Variants in PEAR1 observed in about 807,000 individuals in gnomAD.
The protein encoded by PEAR1 is multiple EGF-like domains protein 12.
PEAR1 carries 113 observed loss-of-function variants against 131.2 expected under a neutral mutation model. The observed-to-expected ratio is 0.86, with a 90% CI of 0.74 to 1.01. The LOEUF (loss-of-function observed/expected upper bound fraction) is 1.01. Among genes scored for constraint, PEAR1 ranks in the 50% least tolerant of loss-of-function variants. PEAR1 has a pLI of 0.00. For synonymous variants in PEAR1, 565 were observed against 523.3 expected (o/e 1.08, Z -1.09); for missense variants, 1,408 against 1,391.1 (o/e 1.01, Z -0.19).
In PEAR1 at chr1:156,910,632, C is replaced by T. The variant is rs1650956404; in HGVS notation, c.1840C>T (p.Arg614Cys). 1 of 1,613,950 alleles carries T rather than the reference C, an allele frequency of 6.2e-7. No individual in the cohort carries two copies. Among genetic ancestry groups the T allele is most frequent in the African/African-American group, 1.3e-5 (1 of 74,936 alleles). Residue 614 changes from arginine (R) to cysteine (C), a missense_variant, in exon 15 of 23, where the codon CGC (arginine) becomes TGC (cysteine). Physicochemically the swap from Arg to Cys is radical, Grantham distance 180. Coordinates refer to ENST00000292357, the MANE Select transcript of PEAR1 (RefSeq NM_001080471.3). ...CTTTCCCCCAGCCTGTCAGCCTGGC[C>T]GCTATGGCAAACGCTGTGTGCCCTG... Reference protein sequence around the residue: ...PSCQRSCQPGRYGKRCVPCKC... With the variant: ...PSCQRSCQPGCYGKRCVPCKC...
In PEAR1 at chr1:156,910,258, C is replaced by T. The variant is rs1194647083; in HGVS notation, c.1703C>T (p.Pro568Leu). The part of the protein sequence containing the change: ...WMGARCHLSC[P>L]EGLWGVNCSN... ...GGTGCCCGCTGCCACCTGTCCTGCC[C>T]TGAGGGCTTATGGGGAGTCAACTGT... The change falls in exon 14 of 23, where the codon CCT becomes CTT. Residue 568 changes from proline to leucine, a missense_variant. Coordinates refer to ENST00000292357, the MANE Select transcript of PEAR1 (RefSeq NM_001080471.3). 2 of 1,612,948 alleles carry T rather than the reference C, an allele frequency of 1.2e-6. No homozygotes were observed. Among genetic ancestry groups the T allele is most frequent in the South Asian group, 1.1e-5 (1 of 90,882 alleles).
In PEAR1 at chr1:156,914,735, A is replaced by T; in HGVS notation, c.3051A>T (p.Gly1017=). ...YDSPKNSHIP[G]HYDLPPVRHP... Reference sequence around the variant, plus strand: ...CACCCAAGAACAGCCACATCCCTGGACATTATGACTTGCCTCCAGTACGGC... The same window carrying T: ...CACCCAAGAACAGCCACATCCCTGGTCATTATGACTTGCCTCCAGTACGGC... Residue 1017 remains glycine, a synonymous_variant, in exon 23 of 23, where the codon GGA becomes GGT. Transcript: ENST00000292357. 6.2e-7 allele frequency: 1 copy of T among 1,614,044 alleles called. No homozygotes were observed. The highest frequency in any genetic ancestry group is 2.2e-5 in the East Asian group (1 of 44,876).
Position 156,908,312 on chromosome 1 carries a change from T to C in PEAR1, c.1087T>C (p.Cys363Arg). ...GFYGLSCQAP[C>R]TCDREHSLSC... Reference sequence around the variant, plus strand: ...CTACGGTCTCAGCTGCCAGGCCCCCTGCACCTGCGACCGGGAGCACAGCCT... The same window carrying C: ...CTACGGTCTCAGCTGCCAGGCCCCCCGCACCTGCGACCGGGAGCACAGCCT... The change falls in exon 9 of 23, where the codon TGC (cysteine) becomes CGC (arginine). Residue 363 changes from cysteine to arginine, a missense_variant. Coordinates refer to ENST00000292357, the MANE Select transcript of PEAR1 (RefSeq NM_001080471.3). This position sits in a 1 kb window ranked among gnomAD's most constrained non-coding sequence, Gnocchi z 4.2. The C allele has an allele frequency of 6.4e-7, 1 of 1,556,672 alleles. No homozygotes were observed. The highest frequency in any genetic ancestry group is 1.2e-5 in the South Asian group (1 of 85,174).
intron 1 of PEAR1, among the ~76,000 whole-genome samples, chr1:156,897,930 G>A (rs1649320737): frequency 6.6e-6 from 1 of 152,148 alleles, no homozygotes; most frequent in Admixed American, 6.5e-5. Context: ...CAGCCACAGA[G>A]TGGGAGAGGG....
At chr1:156,897,131 ATTGCC>A (rs2102959065) in intron 1 of PEAR1, among the ~76,000 whole-genome samples, 1 of 152,262 alleles carries the variant, frequency 6.6e-6, no homozygotes, top group South Asian at 2.1e-4. Flanking sequence ...ATGTTTAGTT[ATTGCC>A]TGTTGGGTGC....
In PEAR1 at chr1:156,908,630, G is replaced by A. The variant is rs766713265; in HGVS notation, c.1116-25G>A. The A allele has an allele frequency of 1.4e-4, 213 of 1,502,134 alleles. No homozygotes were observed. The African/African-American group carries it at 2.7e-3, about 19-fold the overall frequency. The allele number at this position is 1,502,134 out of a possible 1,614,324, so 93.1% of individuals were successfully genotyped here. On this transcript the variant is annotated intron_variant, in intron 9 of 22. Transcript: ENST00000292357. The surrounding 1 kb of genome is among the most constrained non-coding windows in gnomAD (Gnocchi z 4.2). ...CCTGCCCCTGCCCAGCTCAGACCGC[G>A]CCACGCCCCCGCCTCTGCCCCCAGC...
In PEAR1 at chr1:156,908,975, C is replaced by T. The variant is rs1650719344; in HGVS notation, c.1350C>T (p.Arg450=). 1 of 1,614,052 alleles carries T rather than the reference C, an allele frequency of 6.2e-7. No homozygotes were observed. The highest frequency in any genetic ancestry group is 8.5e-7 in the Non-Finnish European group (1 of 1,179,952). Residue 450 remains arginine, a synonymous_variant, in exon 11 of 23, where the codon CGC becomes CGT. Transcript: ENST00000292357. This position sits in a 1 kb window ranked among gnomAD's most constrained non-coding sequence, Gnocchi z 4.2. ...PDTYGVNCSA[R]CSCENAIACS... ...CCTACGGTGTCAACTGTTCTGCACG[C>T]TGCTCATGTGAAAATGCCATCGCCT...
intron 1 of PEAR1, among the ~76,000 whole-genome samples, chr1:156,899,802 C>T (rs548677892): frequency 6.6e-6 from 1 of 151,926 alleles, no homozygotes; most frequent in African/African-American, 2.4e-5. Flanking sequence ...GATTCACACC[C>T]AGGCTTGAAC....
rs565987725 is a variant in PEAR1 at position 156,902,682 on chromosome 1, C to T, written c.-9-1236C>T. Among the ~76,000 whole-genome samples, 7 of 152,152 alleles carry T rather than the reference C, an allele frequency of 4.6e-5. No homozygotes were observed. Among genetic ancestry groups the T allele is most frequent in the Admixed American group, 2.6e-4 (4 of 15,284 alleles). On this transcript the variant is annotated intron_variant, in intron 1 of 22. Coordinates refer to ENST00000292357, the MANE Select transcript of PEAR1 (RefSeq NM_001080471.3). This position sits in a 1 kb window ranked among gnomAD's most constrained non-coding sequence, Gnocchi z 4.3. Reference sequence around the variant, plus strand: ...GGGCCAGCAACCGCGACCTTTCTCTCGTCTCAGAAAAATTATAAGCAGATG... The same window carrying T: ...GGGCCAGCAACCGCGACCTTTCTCTTGTCTCAGAAAAATTATAAGCAGATG...
intron 1 of PEAR1, among the ~76,000 whole-genome samples, chr1:156,894,471 G>C (rs1648959189): frequency 6.6e-6 from 1 of 152,228 alleles, no homozygotes; most frequent in Non-Finnish European, 1.5e-5. Flanking sequence ...GAATGTTTGA[G>C]GGAGGATGTA....
rs769501281 is a variant in PEAR1 at position 156,908,128 on chromosome 1, G to A, written c.903G>A (p.Arg301=). Reference sequence around the variant, plus strand: ...CAGGCTCACTCAGCTAGGTGCCCAGGTGCCGGGAGGAGTGCCCGGTGGGCC... The same window carrying A: ...CAGGCTCACTCAGCTAGGTGCCCAGATGCCGGGAGGAGTGCCCGGTGGGCC... The part of the protein sequence containing the change: ...CRCAPGYTGD[R]CREECPVGRF... Residue 301 remains arginine, a splice_region_variant and synonymous_variant, in exon 9 of 23, where the codon CGG becomes CGA. Coordinates refer to ENST00000292357, the MANE Select transcript of PEAR1 (RefSeq NM_001080471.3). This position sits in a 1 kb window ranked among gnomAD's most constrained non-coding sequence, Gnocchi z 4.2. 4 of 1,597,276 alleles carry A rather than the reference G, an allele frequency of 2.5e-6. No homozygotes were observed. The Admixed American group carries it at 5.1e-5, about 20-fold the overall frequency.
chr1:156,899,066 G>GGTCTGAA (rs1404850859), intron 1 of PEAR1, among the ~76,000 whole-genome samples: 1 of 152,188 alleles, frequency 6.6e-6, no homozygotes, highest in Non-Finnish European at 1.5e-5. Context: ...TGAGGTCTGA[G>GGTCTGAA]GTTCTGTTCC....
At chr1:156,904,423 G>A (rs144642083) in intron 2 of PEAR1, among the ~76,000 whole-genome samples, 6 of 152,256 alleles carry the variant, frequency 3.9e-5, no homozygotes, top group African/African-American at 7.2e-5. Flanking sequence ...TCAGCCCATC[G>A]CCGCCAGCTG....
chr1:156,909,670 C>A, intron 11 of PEAR1, 81 bp from the exon 12 acceptor site: 3 of 1,448,898 alleles, frequency 2.1e-6, no homozygotes, highest in Non-Finnish European at 2.8e-6. Flanking sequence ...AGCATAGAAT[C>A]TGGCCCAGCC....
In PEAR1 at chr1:156,909,996, C is replaced by A. The variant is rs749168965; in HGVS notation, c.1576-10C>A. 1.9e-6 allele frequency: 3 copies of A among 1,613,284 alleles called. No homozygotes were observed. Among genetic ancestry groups the A allele is most frequent in the Non-Finnish European group, 2.5e-6 (3 of 1,180,028 alleles). ...TGACTGGCCTACCTGCTCCCCACTC[C>A]TTCTCCAAGAAGGGGCAGTTTGGAG... is the stretch of plus-strand genomic sequence containing the variant. On this transcript the variant is annotated splice_polypyrimidine_tract_variant and intron_variant, in intron 12 of 22. Coordinates refer to ENST00000292357, the MANE Select transcript of PEAR1 (RefSeq NM_001080471.3).
chr1:156,905,504 G>T, intron 4 of PEAR1, 80 bp downstream of exon 4: 1 of 1,275,570 alleles, frequency 7.8e-7, no homozygotes. Context: ...AGTCCCTCCC[G>T]GCCCCCGCTA....
Position 156,908,573 on chromosome 1 carries a change from C to T in PEAR1, c.1116-82C>T. 1 of 1,363,260 alleles carries T rather than the reference C, an allele frequency of 7.3e-7. No homozygotes were observed. The highest frequency in any genetic ancestry group is 9.7e-7 in the Non-Finnish European group (1 of 1,026,006). 84.4% of individuals were successfully genotyped at this position (1,363,260 alleles called of 1,614,324 possible). A position where few individuals can be genotyped will look rare whatever the true frequency, so the allele number is the denominator to read the frequency against. Reference sequence around the variant, plus strand: ...CCCTTACCCCAGCGATGTGCGAATCCCACTGACCACGCGGAGGGGTCGGGA... The same window carrying T: ...CCCTTACCCCAGCGATGTGCGAATCTCACTGACCACGCGGAGGGGTCGGGA... On this transcript the variant is annotated intron_variant, in intron 9 of 22. Coordinates refer to ENST00000292357, the MANE Select transcript of PEAR1 (RefSeq NM_001080471.3). The surrounding 1 kb of genome is among the most constrained non-coding windows in gnomAD (Gnocchi z 4.2).
rs1191997554 is a variant in PEAR1, at chr1:156,906,617, C to T, written c.401-20C>T. On this transcript the variant is annotated intron_variant, in intron 5 of 22. Coordinates refer to ENST00000292357, the MANE Select transcript of PEAR1 (RefSeq NM_001080471.3). The stretch of plus-strand genomic sequence containing the variant: ...GGACTAGACCCCTGGTGACCCCCTT[C>T]CCGCCTCCTTATCCCACAGAGTGTG... The T allele has an allele frequency of 2.5e-6, 4 of 1,613,732 alleles. No homozygotes were observed. In the African/African-American group the frequency reaches 5.3e-5, roughly 22 times the overall value.
chr1:156,913,758 A>G lies in PEAR1; in HGVS notation c.2711A>G (p.Lys904Arg). The G allele has an allele frequency of 6.2e-7, 1 of 1,613,964 alleles. No homozygotes were observed. Among genetic ancestry groups the G allele is most frequent in the Non-Finnish European group, 8.5e-7 (1 of 1,179,952 alleles). Reference protein sequence around the residue: ...YSNGPGPFYNKGLISEEELGA... With the variant: ...YSNGPGPFYNRGLISEEELGA... The stretch of plus-strand genomic sequence containing the variant: ...AATGGCCCAGGCCCATTCTACAATA[A>G]AGGTATGGGCACAGGGGCAACAAGG... The change falls in exon 21 of 23, where the codon AAA becomes AGA. Residue 904 changes from lysine to arginine, a missense_variant and splice_region_variant. By Grantham distance (26) the Lys-to-Arg change is conservative. Transcript: ENST00000292357.
Sources: allele counts gnomAD v4.1 joint callset (sites outside exome capture counted in the v4.1 genomes callset), GRCh38; gene constraint gnomAD v4.1.1; non-coding constraint Gnocchi (gnomAD v3.1); transcripts MANE v1.5; gene names NCBI Gene and HGNC (gene_info 2026-07-23, HGNC 2026-07-21).